The following TBC1D8 variants were observed in gnomAD, a reference collection of about 807,000 sequenced individuals.
TBC1D8 encodes the protein BUB2-like protein 1.
In TBC1D8, 65 loss-of-function variants were observed where a neutral mutation model predicts 118.8. That is an observed-to-expected ratio of 0.55 (90% CI 0.45 to 0.67). The LOEUF is 0.67. TBC1D8 is among the 30% of genes least tolerant of loss of function. TBC1D8 has a pLI of 0.00. For missense variants in TBC1D8, 1,376 were observed against 1,471.2 expected, an observed-to-expected ratio of 0.94 and a Z score of 1.06; for synonymous variants, 566 against 595.8, an observed-to-expected ratio of 0.95 and a Z score of 0.73.
chr2:101,059,403 G>A lies in TBC1D8; in HGVS notation c.402+18C>T, dbSNP rs2105423807. On this transcript the variant is annotated intron_variant, in intron 3 of 19. Transcript: ENST00000409318. ...AAGATGGAAAGATGGGGAGAAACAT[G>A]AAACTCAGGGGACCTACCTTTACCT... 6.4e-7 allele frequency: 1 copy of A among 1,572,086 alleles called. No homozygotes were observed. Among genetic ancestry groups the A allele is most frequent in the South Asian group, 1.1e-5 (1 of 90,120 alleles).
chr2:101,135,129 G>A (rs558198369), intron 1 of TBC1D8, among the ~76,000 whole-genome samples: 4 of 152,196 alleles, frequency 2.6e-5, no homozygotes, highest in East Asian at 3.9e-4. Context: ...CCGAGATCGC[G>A]CCACTGCACT....
intron 1 of TBC1D8, among the ~76,000 whole-genome samples, chr2:101,103,345 A>C (rs891745233): frequency 6.8e-6 from 1 of 147,160 alleles, no homozygotes; most frequent in Non-Finnish European, 1.5e-5. Context: ...TGGAAGGGGG[A>C]AGCAGGAAAC....
chr2:101,027,582 C>G (rs550298520), intron 14 of TBC1D8, 131 bp from the exon 15 acceptor site: 5 of 744,002 alleles, frequency 6.7e-6, no homozygotes, highest in South Asian at 1.6e-5. Flanking sequence ...CACAAAGGCT[C>G]TTTTCTGACA....
intron 1 of TBC1D8, among the ~76,000 whole-genome samples, chr2:101,120,509 C>T (rs926039179): frequency 2.0e-5 from 3 of 152,178 alleles, no homozygotes; most frequent in East Asian, 1.9e-4. Flanking sequence ...ATTTGCACAA[C>T]GAAGCAGGGA....
At chr2:101,013,012 G>A (rs997842329) in intron 17 of TBC1D8, among the ~76,000 whole-genome samples, 1 of 152,196 alleles carries the variant, frequency 6.6e-6, no homozygotes, top group Admixed American at 6.5e-5. Context: ...ATAGTGCTGG[G>A]ATGCCAAAGA....
intron 2 of TBC1D8, among the ~76,000 whole-genome samples, chr2:101,080,187 G>A (rs4851400): frequency 0.13 from 19,820 of 152,112 alleles, 1,626 homozygotes; most frequent in East Asian, 0.26. Flanking sequence ...CCTGGTGACA[G>A]TAACTCCATA....
At chr2:101,074,054 A>G (rs1018088064) in intron 2 of TBC1D8, among the ~76,000 whole-genome samples, 1 of 152,266 alleles carries the variant, frequency 6.6e-6, no homozygotes, top group African/African-American at 2.4e-5. Flanking sequence ...CTTTCAGCCT[A>G]TCTCAATTTT....
intron 9 of TBC1D8, among the ~76,000 whole-genome samples, chr2:101,034,651 G>T (rs1558639511): frequency 6.6e-6 from 1 of 152,228 alleles, no homozygotes; most frequent in Admixed American, 6.5e-5. Context: ...GTGTGCACGT[G>T]TGTGTGCATA....
chr2:101,115,654 G>C lies in TBC1D8; in HGVS notation c.128-25290C>G, dbSNP rs375293202. ...TAATTCCAGCTACTTGGGAGGCCAA[G>C]GCACAAGAACTGCTTGAACCCAGGA... On this transcript the variant is annotated intron_variant, in intron 1 of 19. Coordinates refer to ENST00000409318, the MANE Select transcript of TBC1D8 (RefSeq NM_001330348.2). Among the ~76,000 whole-genome samples, 127 of 152,306 alleles carry C rather than the reference G, an allele frequency of 8.3e-4. No individual in the cohort carries two copies. The South Asian group carries it at 0.015, about 18-fold the overall frequency.
chr2:101,110,479 G>A (rs1677519248), intron 1 of TBC1D8, among the ~76,000 whole-genome samples: 1 of 152,166 alleles, frequency 6.6e-6, no homozygotes, highest in African/African-American at 2.4e-5. Flanking sequence ...GTACATCTGA[G>A]CAGCTCAATG....
chr2:101,142,453 G>A (rs1222829545), intron 1 of TBC1D8, among the ~76,000 whole-genome samples: 1 of 152,038 alleles, frequency 6.6e-6, no homozygotes, highest in Non-Finnish European at 1.5e-5. Context: ...GTATACCTGT[G>A]TGAACACTAC....
At chr2:101,074,006 G>T (rs1354782869) in intron 2 of TBC1D8, among the ~76,000 whole-genome samples, 1 of 152,190 alleles carries the variant, frequency 6.6e-6, no homozygotes, top group Non-Finnish European at 1.5e-5. Context: ...CTTTACCTTT[G>T]CATTCACAAC....
At chr2:101,068,480 C>G in intron 2 of TBC1D8, 1 of 379,568 alleles carries the variant, frequency 2.6e-6, no homozygotes, top group East Asian at 6.2e-5. Flanking sequence ...CCAGGAAGTT[C>G]TTCCAAAACA....
chr2:101,151,200 C>T lies in TBC1D8; in HGVS notation c.54G>A (p.Val18=), dbSNP rs1558736001. Residue 18 remains valine, a synonymous_variant, in exon 1 of 20, where the codon GTG becomes GTA. Coordinates refer to ENST00000409318, the MANE Select transcript of TBC1D8 (RefSeq NM_001330348.2). ...VLLKNALKLW[V]TQKSSCYFIL... is the part of the protein sequence containing the mutation. ...TGAAGTAGCAGCTGCTCTTCTGGGT[C>T]ACCCAGAGCTTCAGCGCGTTCTTCA... The T allele has an allele frequency of 1.6e-6, 2 of 1,261,982 alleles. No homozygotes were observed. The highest frequency in any genetic ancestry group is 1.6e-5 in the African/African-American group (1 of 63,292). 78.2% of individuals were successfully genotyped at this position (1,261,982 alleles called of 1,614,324 possible).
At chr2:101,102,549 A>AC (rs1481385162) in intron 1 of TBC1D8, among the ~76,000 whole-genome samples, 3 of 151,910 alleles carry the variant, frequency 2.0e-5, no homozygotes, top group Non-Finnish European at 4.4e-5. Flanking sequence ...AAAAAAAAAC[A>AC]ACAAAAAACA....
chr2:101,026,398 G>T (rs1482937447), intron 15 of TBC1D8, among the ~76,000 whole-genome samples: 1 of 152,164 alleles, frequency 6.6e-6, no homozygotes, highest in Admixed American at 6.5e-5. Flanking sequence ...TGATGTGTAC[G>T]GGAGAAAGCG....
intron 1 of TBC1D8, chr2:101,110,090 G>A: frequency 1.1e-6 from 1 of 908,386 alleles, no homozygotes. Context: ...GATGTCAAGT[G>A]ACAAGTTTTA....
intron 5 of TBC1D8, among the ~76,000 whole-genome samples, chr2:101,044,897 C>A (rs1409445982): frequency 1.3e-5 from 2 of 152,124 alleles, no homozygotes; most frequent in Non-Finnish European, 2.9e-5. Flanking sequence ...TACAGGTGCC[C>A]ACCACCATGC....
intron 1 of TBC1D8, among the ~76,000 whole-genome samples, chr2:101,135,862 TC>T (rs1264600012): frequency 6.6e-6 from 1 of 152,186 alleles, no homozygotes; most frequent in African/African-American, 2.4e-5. Context: ...CTCATACAGG[TC>T]TCAGGTTGAA....
Sources: gnomAD v4.1 joint callset for allele counts (sites outside exome capture counted in the v4.1 genomes callset) on GRCh38, gnomAD v4.1.1 for gene constraint, MANE v1.5 for transcripts, NCBI Gene and HGNC (gene_info 2026-07-23, HGNC 2026-07-21) for gene names.